LMBRD2: variants seen among roughly 807,000 people sequenced by gnomAD.
LMBRD2 encodes LMBR1 domain containing 2, also known as G protein-coupled receptor-associated protein LMBRD2.
LMBRD2 carries 55 observed loss-of-function variants against 94.4 expected under a neutral mutation model. That is an observed-to-expected ratio of 0.58 (90% CI 0.47 to 0.73). The LOEUF (loss-of-function observed/expected upper bound fraction) is 0.73, where lower values mean the gene tolerates loss of function less well. LMBRD2 is among the 30% of genes least tolerant of loss of function. The pLI is 0.00. For synonymous variants in LMBRD2, 246 were observed against 272.4 expected (o/e 0.90, Z 0.95); for missense variants, 640 against 831.9 (o/e 0.77, Z 2.84).
At position 36,114,487 on chromosome 5, in the gene LMBRD2, G is replaced by T. The variant is rs777673048; in HGVS notation, c.1577C>A (p.Ala526Glu). The change falls in exon 13 of 18, where the codon GCA (alanine) becomes GAA (glutamate). Residue 526 changes from alanine (A) to glutamate (E), a missense_variant. Coordinates refer to ENST00000296603, the MANE Select transcript of LMBRD2 (RefSeq NM_001007527.2). ...MGSMKVLSFIADGFYIYYPML... is the reference protein window; with the variant it reads ...MGSMKVLSFIEDGFYIYYPML... ...AGGATAATATATATAGAATCCATCT[G>T]CAATAAAGGATAAAACTTTCATGGA... 7.0e-6 allele frequency: 11 copies of T among 1,564,502 alleles called. No individual in the cohort carries two copies. Among genetic ancestry groups the T allele is most frequent in the Admixed American group, 2.0e-5 (1 of 50,312 alleles).
At chr5:36,129,623 G>A (rs946413597) in intron 6 of LMBRD2, among the ~76,000 whole-genome samples, 5 of 152,116 alleles carry the variant, frequency 3.3e-5, no homozygotes, top group South Asian at 4.1e-4. Flanking sequence ...GGAGTTCTTC[G>A]ATCTGAAAGA....
At position 36,131,490 on chromosome 5, in the gene LMBRD2, A is replaced by G. The variant is rs1254336693; in HGVS notation, c.747+4819T>C. On this transcript the variant is annotated intron_variant, in intron 6 of 17. Coordinates refer to ENST00000296603, the MANE Select transcript of LMBRD2 (RefSeq NM_001007527.2). ...AGTACTGGAAGTCCTAGGTAAAGCAATCAGACAAGAGAAAGATATAAAGGG... is the reference window on the plus strand; with the variant it reads ...AGTACTGGAAGTCCTAGGTAAAGCAGTCAGACAAGAGAAAGATATAAAGGG... Among the ~76,000 whole-genome samples, 6 of 152,250 alleles carry G rather than the reference A, an allele frequency of 3.9e-5. No individual in the cohort carries two copies. The East Asian group carries it at 9.6e-4, about 24-fold the overall frequency.
Position 36,114,597 on chromosome 5 carries a change from G to T in LMBRD2, c.1543-76C>A, listed in dbSNP as rs570775233. On this transcript the variant is annotated intron_variant, in intron 12 of 17. Coordinates refer to ENST00000296603, the MANE Select transcript of LMBRD2 (RefSeq NM_001007527.2). ...ATTCCTTTCCATCATTAGAAAATTT[G>T]CCTATAACCAGTTATATCAATCCAT... 16 of 1,418,802 alleles carry T rather than the reference G, an allele frequency of 1.1e-5. No homozygotes were observed. In the Admixed American group the frequency reaches 3.2e-4, roughly 29 times the overall value. The allele number at this position is 1,418,802 out of a possible 1,614,324, so 87.9% of individuals were successfully genotyped here.
intron 1 of LMBRD2, among the ~76,000 whole-genome samples, chr5:36,145,697 T>C (rs993783478): frequency 5.3e-5 from 8 of 152,182 alleles, no homozygotes; most frequent in Admixed American, 6.5e-5. Flanking sequence ...TGACTTGAAC[T>C]AGACCTGAAA....
chr5:36,111,741 G>A (rs1743613032), intron 13 of LMBRD2, among the ~76,000 whole-genome samples: 1 of 151,914 alleles, frequency 6.6e-6, no homozygotes, highest in Non-Finnish European at 1.5e-5. Flanking sequence ...TGGAACACAA[G>A]GAAGGAAATG....
At chr5:36,150,454 A>G (rs1744665099) in intron 1 of LMBRD2, among the ~76,000 whole-genome samples, 1 of 152,240 alleles carries the variant, frequency 6.6e-6, no homozygotes, top group African/African-American at 2.4e-5. Context: ...TTTCTCCTCC[A>G]TTAGCTTACA....
intron 16 of LMBRD2, among the ~76,000 whole-genome samples, chr5:36,107,438 T>C (rs1216860073): frequency 6.6e-6 from 1 of 152,240 alleles, no homozygotes; most frequent in Non-Finnish European, 1.5e-5. Context: ...AGCTAGACAT[T>C]ATGTGTAAAA....
At chr5:36,120,779 G>C (rs900454731) in intron 9 of LMBRD2, among the ~76,000 whole-genome samples, 3 of 152,032 alleles carry the variant, frequency 2.0e-5, no homozygotes, top group Non-Finnish European at 4.4e-5. Context: ...CCAATGGTCA[G>C]GTCTTAATAT....
At chr5:36,110,054 G>T in intron 14 of LMBRD2, 63 bp from the exon 15 acceptor site, 4 of 1,228,660 alleles carry the variant, frequency 3.3e-6, no homozygotes, top group Non-Finnish European at 4.8e-6. Context: ...TAGTGCAACT[G>T]AAGTAAAGAT....
chr5:36,143,956 T>G (rs1202279112), intron 1 of LMBRD2, among the ~76,000 whole-genome samples: 1 of 151,958 alleles, frequency 6.6e-6, no homozygotes, highest in African/African-American at 2.4e-5. Flanking sequence ...ACCTAACAAC[T>G]CAACTTTCAT....
At chr5:36,130,134 T>G (rs559252187) in intron 6 of LMBRD2, among the ~76,000 whole-genome samples, 83 of 152,226 alleles carry the variant, frequency 5.5e-4, no homozygotes, top group African/African-American at 2.0e-3. Context: ...CATGTATACA[T>G]ATGTAACAAA....
At chr5:36,119,593 T>C (rs563216190) in intron 9 of LMBRD2, among the ~76,000 whole-genome samples, 7 of 152,314 alleles carry the variant, frequency 4.6e-5, no homozygotes, top group African/African-American at 1.7e-4. Flanking sequence ...CAGCTGCACA[T>C]TGCAGGAGAA....
intron 14 of LMBRD2, among the ~76,000 whole-genome samples, chr5:36,110,607 G>A (rs1743581067): frequency 6.6e-6 from 1 of 151,978 alleles, no homozygotes; most frequent in Non-Finnish European, 1.5e-5. Context: ...GACTCAAGTA[G>A]GGAGAATGTC....
At chr5:36,106,215 A>T (rs190408530) in intron 16 of LMBRD2, among the ~76,000 whole-genome samples, 38 of 152,252 alleles carry the variant, frequency 2.5e-4, no homozygotes, top group Admixed American at 2.2e-3. Context: ...CCCTTTACAG[A>T]ATCCTATTTC....
intron 6 of LMBRD2, among the ~76,000 whole-genome samples, chr5:36,125,459 T>C (rs1180420249): frequency 2.0e-5 from 3 of 152,020 alleles, no homozygotes; most frequent in Non-Finnish European, 4.4e-5. Context: ...CTCTTACAAA[T>C]CAACAGAAAA....
In LMBRD2 at chr5:36,098,980, A is replaced by T. The variant is rs1743295633; in HGVS notation, c.*5066T>A. On this transcript the variant is annotated 3_prime_UTR_variant, in exon 18 of 18. Transcript: ENST00000296603. ...TATGATCATATGCACATTTGAAAAG[A>T]TTAATTTTCTATTTCACCTAATCAA... The T allele has an allele frequency of 6.6e-6, 1 of 152,078 alleles. No individual in the cohort carries two copies. Among genetic ancestry groups the T allele is most frequent in the Non-Finnish European group, 1.5e-5 (1 of 67,966 alleles). The allele number at this position is 152,078 out of a possible 1,614,324, so 9.4% of individuals were successfully genotyped here. A position where few individuals can be genotyped will look rare whatever the true frequency, so the allele number is the denominator to read the frequency against.
rs1743319550 is a variant in LMBRD2, at chr5:36,100,218, A to C, written c.*3828T>G. The C allele has an allele frequency of 6.6e-6, 1 of 152,128 alleles. No individual in the cohort carries two copies. Among genetic ancestry groups the C allele is most frequent in the Non-Finnish European group, 1.5e-5 (1 of 68,014 alleles). 9.4% of individuals were successfully genotyped at this position (152,128 alleles called of 1,614,324 possible). On this transcript the variant is annotated 3_prime_UTR_variant, in exon 18 of 18. Coordinates refer to ENST00000296603, the MANE Select transcript of LMBRD2 (RefSeq NM_001007527.2). Reference sequence around the variant, plus strand: ...GTCTCAAGAATCTAAATAAATCTTAAATTTTGGGGGGGAAATCTATTTTTA... The same window carrying C: ...GTCTCAAGAATCTAAATAAATCTTACATTTTGGGGGGGAAATCTATTTTTA...
At chr5:36,135,785 A>G (rs192416112) in intron 6 of LMBRD2, among the ~76,000 whole-genome samples, 11 of 152,298 alleles carry the variant, frequency 7.2e-5, no homozygotes, top group African/African-American at 2.6e-4. Context: ...ACTTTCAACA[A>G]CTTTGTGAAA....
In LMBRD2 at chr5:36,102,597, G is replaced by A. The variant is rs1393227453; in HGVS notation, c.*1449C>T. Reference sequence around the variant, plus strand: ...AAGATCAAAATTTTCAGATAATGAGGATGATGCTCTATTCCTTTCAATATC... The same window carrying A: ...AAGATCAAAATTTTCAGATAATGAGAATGATGCTCTATTCCTTTCAATATC... On this transcript the variant is annotated 3_prime_UTR_variant, in exon 18 of 18. Transcript: ENST00000296603. 6.6e-6 allele frequency: 1 copy of A among 151,362 alleles called. No homozygotes were observed. Among genetic ancestry groups the A allele is most frequent in the African/African-American group, 2.4e-5 (1 of 41,246 alleles). The allele number at this position is 151,362 out of a possible 1,614,324, so 9.4% of individuals were successfully genotyped here.
Sources: allele counts gnomAD v4.1 joint callset (sites outside exome capture counted in the v4.1 genomes callset), GRCh38; gene constraint gnomAD v4.1.1; transcripts MANE v1.5; gene names NCBI Gene and HGNC (gene_info 2026-07-23, HGNC 2026-07-21).